Variants in JARID2 observed in about 807,000 individuals in gnomAD.
The protein encoded by JARID2 is protein Jumonji.
JARID2 carries 21 observed loss-of-function variants against 125.6 expected under a neutral mutation model. That is an observed-to-expected ratio of 0.17 (90% confidence interval 0.12 to 0.24). The LOEUF (loss-of-function observed/expected upper bound fraction) is 0.24. Among genes scored for constraint, JARID2 ranks in the 10% least tolerant of loss-of-function variants. The pLI, the probability that JARID2 is intolerant of heterozygous loss-of-function variation, is 1.00. For synonymous variants in JARID2, 736 were observed against 661.6 expected, an observed-to-expected ratio of 1.11 and a Z score of -1.73; for missense variants, 1,303 against 1,639.6, an observed-to-expected ratio of 0.79 and a Z score of 3.55.
intron 3 of JARID2, among the ~76,000 whole-genome samples, chr6:15,434,273 C>T (rs1383935666): frequency 6.6e-6 from 1 of 152,078 alleles, no homozygotes; most frequent in African/African-American, 2.4e-5. Context: ...TCCATATACT[C>T]CTCAATCAGT....
intron 2 of JARID2, among the ~76,000 whole-genome samples, chr6:15,378,247 A>G (rs965063185): frequency 6.6e-6 from 1 of 151,128 alleles, no homozygotes; most frequent in Non-Finnish European, 1.5e-5. Context: ...TTCCTTTTCA[A>G]ATGTCAAAAT....
At chr6:15,510,758 G>A (rs1771238622) in intron 12 of JARID2, among the ~76,000 whole-genome samples, 1 of 152,234 alleles carries the variant, frequency 6.6e-6, no homozygotes, top group African/African-American at 2.4e-5. Flanking sequence ...TGGCCTTGAG[G>A]TGGCACATGT....
At chr6:15,381,823 T>C (rs181195961) in intron 2 of JARID2, among the ~76,000 whole-genome samples, 1 of 152,354 alleles carries the variant, frequency 6.6e-6, no homozygotes, top group Admixed American at 6.5e-5. Context: ...TAAGATGTCA[T>C]TGAGTGATGC....
intron 3 of JARID2, among the ~76,000 whole-genome samples, chr6:15,413,651 G>T (rs1245028523): frequency 6.6e-6 from 1 of 152,146 alleles, no homozygotes; most frequent in African/African-American, 2.4e-5. Flanking sequence ...TTGTTACCCA[G>T]GCTGGAATGT....
intron 3 of JARID2, among the ~76,000 whole-genome samples, chr6:15,433,839 C>T (rs1261659804): frequency 1.3e-5 from 2 of 151,772 alleles, no homozygotes; most frequent in Non-Finnish European, 2.9e-5. Context: ...CTGTGGCTGA[C>T]AATAATGCAA....
chr6:15,478,948 A>G (rs1769482315), intron 5 of JARID2, among the ~76,000 whole-genome samples: 1 of 152,158 alleles, frequency 6.6e-6, no homozygotes, highest in Non-Finnish European at 1.5e-5. Flanking sequence ...TACAGGTGTG[A>G]GCCACCGTGC....
chr6:15,298,315 A>G (rs891489438), intron 1 of JARID2, among the ~76,000 whole-genome samples: 9 of 152,256 alleles, frequency 5.9e-5, no homozygotes, highest in Non-Finnish European at 1.2e-4. Context: ...GCTAGTTTTC[A>G]TTAGCAGTTG....
chr6:15,247,870 T>C, intron 1 of JARID2: 1 of 985,276 alleles, frequency 1.0e-6, no homozygotes, highest in Non-Finnish European at 1.2e-6. Flanking sequence ...GAGGGCTGGG[T>C]AGAATGCAAA....
At chr6:15,323,678 C>A (rs1282178383) in intron 1 of JARID2, among the ~76,000 whole-genome samples, 1 of 152,202 alleles carries the variant, frequency 6.6e-6, no homozygotes, top group Non-Finnish European at 1.5e-5. Context: ...GTAATCCCTG[C>A]ACTTTGGGAG....
chr6:15,499,670 G>T (rs987684587), intron 7 of JARID2, among the ~76,000 whole-genome samples: 1 of 152,142 alleles, frequency 6.6e-6, no homozygotes, highest in Admixed American at 6.5e-5. Context: ...GAGTCTGTGA[G>T]ACCTGGAGTT....
Position 15,436,645 on chromosome 6 carries a change from A to C in JARID2, c.324-15361A>C, listed in dbSNP as rs534123778. ...TCCTCTACCCAGCTTTTCCCTCCCC[A>C]CCTTCCCTATCATTTAAAGGGACCA... is the stretch of plus-strand genomic sequence containing the variant. On this transcript the variant is annotated intron_variant, in intron 3 of 17. Coordinates refer to ENST00000341776, the MANE Select transcript of JARID2 (RefSeq NM_004973.4). Among the ~76,000 whole-genome samples, 5 of 151,748 alleles carry C rather than the reference A, an allele frequency of 3.3e-5. No individual in the cohort carries two copies. In the South Asian group the frequency reaches 1.0e-3, roughly 32 times the overall value.
At chr6:15,316,543 T>C (rs1341560287) in intron 1 of JARID2, among the ~76,000 whole-genome samples, 1 of 152,166 alleles carries the variant, frequency 6.6e-6, no homozygotes, top group Non-Finnish European at 1.5e-5. Flanking sequence ...CTGTTCTTGC[T>C]ATTTTTTTTG....
At chr6:15,359,987 G>A (rs1360382978) in intron 1 of JARID2, among the ~76,000 whole-genome samples, 2 of 152,018 alleles carry the variant, frequency 1.3e-5, no homozygotes, top group South Asian at 2.1e-4. Context: ...ACGTCTGGCC[G>A]ACTGATGAAT....
intron 3 of JARID2, among the ~76,000 whole-genome samples, chr6:15,449,455 G>A (rs1767818733): frequency 6.6e-6 from 1 of 151,652 alleles, no homozygotes; most frequent in Admixed American, 6.6e-5. Flanking sequence ...AGACCAGCCT[G>A]GGCAACATGG....
intron 2 of JARID2, among the ~76,000 whole-genome samples, chr6:15,388,698 G>A (rs1015420576): frequency 2.0e-5 from 3 of 151,492 alleles, no homozygotes; most frequent in Non-Finnish European, 2.9e-5. Flanking sequence ...AACCGGCAAG[G>A]CCAAACCTGT....
intron 1 of JARID2, among the ~76,000 whole-genome samples, chr6:15,309,258 T>C (rs1326464490): frequency 2.0e-5 from 3 of 152,180 alleles, no homozygotes; most frequent in African/African-American, 7.2e-5. Context: ...GTTATTTCTT[T>C]TATGAAGGTT....
chr6:15,491,291 A>G (rs1256374210), intron 6 of JARID2, among the ~76,000 whole-genome samples: 1 of 152,206 alleles, frequency 6.6e-6, no homozygotes, highest in Non-Finnish European at 1.5e-5. Flanking sequence ...TAGATTGCCC[A>G]GTGGAACCCA....
rs144747546 is a variant in JARID2, at chr6:15,432,410, C to G, written c.324-19596C>G. ...GCCACTGCACCTCAGCCTGGGCAGA[C>G]TTGGGACTCTGTCATCCTCCAGCTA... On this transcript the variant is annotated intron_variant, in intron 3 of 17. Transcript: ENST00000341776. Among the ~76,000 whole-genome samples the G allele has an allele frequency of 5.5e-4, 83 of 152,038 alleles. 1 individual carries two copies. The East Asian group carries it at 7.6e-3, about 14-fold the overall frequency.
chr6:15,261,289 G>A (rs903933536), intron 1 of JARID2, among the ~76,000 whole-genome samples: 1 of 150,588 alleles, frequency 6.6e-6, no homozygotes, highest in Non-Finnish European at 1.5e-5. Context: ...GAAGGCCTTG[G>A]ATGGTGTTTT....
Sources: gnomAD v4.1 joint callset for allele counts (sites outside exome capture counted in the v4.1 genomes callset) on GRCh38, gnomAD v4.1.1 for gene constraint, MANE v1.5 for transcripts, NCBI Gene and HGNC (gene_info 2026-07-23, HGNC 2026-07-21) for gene names.